The following SDK1 variants were observed in gnomAD, a reference collection of about 807,000 sequenced individuals.
The protein encoded by SDK1 is sidekick cell adhesion molecule 1, also known as protein sidekick-1.
A neutral mutation model predicts 245.5 loss-of-function variants in SDK1; 157 were observed. The ratio of observed to expected loss-of-function variants is 0.64; its 90% CI spans 0.56 to 0.73. The LOEUF is 0.73. Ranked by LOEUF, SDK1 falls within the 30% of genes least tolerant of loss-of-function variation. SDK1 has a pLI of 0.00. For missense variants in SDK1, 3,583 were observed against 3,002.3 expected, an observed-to-expected ratio of 1.19 and a Z score of -4.52; for synonymous variants, 1,647 against 1,278.5, an observed-to-expected ratio of 1.29 and a Z score of -6.15.
chr7:3,888,437 C>T (rs1051507013), intron 5 of SDK1, among the ~76,000 whole-genome samples: 1 of 152,180 alleles, frequency 6.6e-6, no homozygotes, highest in Non-Finnish European at 1.5e-5. Flanking sequence ...GTTATTAGTC[C>T]TGATGTACAG....
At chr7:4,041,592 C>T (rs1464874400) in intron 17 of SDK1, among the ~76,000 whole-genome samples, 1 of 152,110 alleles carries the variant, frequency 6.6e-6, no homozygotes, top group East Asian at 1.9e-4. Context: ...CCCCCATGCT[C>T]CTCCTGTTCA....
At chr7:4,164,486 C>T (rs1781368314) in intron 32 of SDK1, among the ~76,000 whole-genome samples, 1 of 152,206 alleles carries the variant, frequency 6.6e-6, no homozygotes, top group East Asian at 1.9e-4. Context: ...AATGCAAAGT[C>T]CCAAGTGCTC....
intron 5 of SDK1, among the ~76,000 whole-genome samples, chr7:3,896,125 C>G (rs1017969712): frequency 6.6e-6 from 1 of 152,154 alleles, no homozygotes; most frequent in Non-Finnish European, 1.5e-5. Context: ...CTTCTGTTTA[C>G]TGATTTTCTA....
chr7:3,452,769 C>A (rs1780554554), intron 1 of SDK1, among the ~76,000 whole-genome samples: 1 of 152,162 alleles, frequency 6.6e-6, no homozygotes, highest in Non-Finnish European at 1.5e-5. Context: ...GTTAGAAATC[C>A]CCGCTGTTGA....
intron 4 of SDK1, among the ~76,000 whole-genome samples, chr7:3,730,274 G>A (rs1021241531): frequency 1.3e-5 from 2 of 152,126 alleles, no homozygotes; most frequent in Non-Finnish European, 2.9e-5. Flanking sequence ...GCAAATGATG[G>A]GAGGTGCTCT....
intron 4 of SDK1, among the ~76,000 whole-genome samples, chr7:3,731,992 G>T (rs188971048): frequency 6.6e-6 from 1 of 152,098 alleles, no homozygotes; most frequent in Non-Finnish European, 1.5e-5. Flanking sequence ...GGGTTTCACC[G>T]TGTTGGTCAG....
At chr7:4,125,439 ATGAATGGG>A (rs1188242012) in intron 25 of SDK1, among the ~76,000 whole-genome samples, 2 of 150,022 alleles carry the variant, frequency 1.3e-5, no homozygotes, top group Non-Finnish European at 3.0e-5. Flanking sequence ...GAGTGAATGG[ATGAATGGG>A]TGAATGGATG....
At chr7:4,232,407 C>CTTTTTTTTTTTTTTTTTTTTTTTTTTTT (rs201396862) in intron 40 of SDK1, among the ~76,000 whole-genome samples, 39 of 73,164 alleles carry the variant, frequency 5.3e-4, no homozygotes, top group Non-Finnish European at 8.5e-4. Context: ...CTTTTCTTTT[C>CTTTTTTTTTTTTTTTTTTTTTTTTTTTT]TTTCTTTTTT....
At chr7:3,715,723 G>A (rs865902483) in intron 4 of SDK1, among the ~76,000 whole-genome samples, 11 of 151,938 alleles carry the variant, frequency 7.2e-5, no homozygotes, top group Non-Finnish European at 1.2e-4. Context: ...ACATAATATC[G>A]AAAACGTCCA....
chr7:3,440,020 G>C (rs938639348), intron 1 of SDK1, among the ~76,000 whole-genome samples: 1 of 152,072 alleles, frequency 6.6e-6, no homozygotes, highest in Non-Finnish European at 1.5e-5. Flanking sequence ...GATATGCTTT[G>C]ACATATTCAC....
rs118059928 is a variant in SDK1, at chr7:4,075,636, C to G, written c.3011-1362C>G. Reference sequence around the variant, plus strand: ...CCACGCGGGTTGATTGATTCAGGAGCTAGTTGGGTCTTATTTCTCCTTTTT... The same window carrying G: ...CCACGCGGGTTGATTGATTCAGGAGGTAGTTGGGTCTTATTTCTCCTTTTT... On this transcript the variant is annotated intron_variant, in intron 20 of 44. Transcript: ENST00000404826. Among the ~76,000 whole-genome samples the G allele has an allele frequency of 3.3e-3, 502 of 151,260 alleles. 3 individuals are homozygous for G. Among genetic ancestry groups the G allele is most frequent in the South Asian group, 0.03 (144 of 4,762 alleles).
chr7:3,974,393 G>T lies in SDK1; in HGVS notation c.1842G>T (p.Val614=). 6.2e-7 allele frequency: 1 copy of T among 1,613,728 alleles called. No individual in the cohort carries two copies. Among genetic ancestry groups the T allele is most frequent in the Non-Finnish European group, 8.5e-7 (1 of 1,179,772 alleles). The change falls in exon 13 of 45, where the codon GTG becomes GTT. Residue 614 remains valine (V), a synonymous_variant. Coordinates refer to ENST00000404826, the MANE Select transcript of SDK1 (RefSeq NM_152744.4). ...GCTACGTTTGGAAGAAGGACAACGT[G>T]GCCCTGACTCCATCGAGCACGTCTA... The part of the protein sequence containing the change: ...SLRYVWKKDN[V]ALTPSSTSRI...
chr7:4,017,410 C>T, intron 17 of SDK1, 58 bp downstream of exon 17: 1 of 1,479,730 alleles, frequency 6.8e-7, no homozygotes, highest in Non-Finnish European at 9.2e-7. Flanking sequence ...ATGGGATTTG[C>T]AAGGTTTGAC....
intron 16 of SDK1, among the ~76,000 whole-genome samples, chr7:4,012,539 C>G (rs1386586654): frequency 2.4e-5 from 2 of 83,676 alleles, no homozygotes; most frequent in Non-Finnish European, 4.7e-5. Flanking sequence ...GTATATTGTT[C>G]AATGTGAAGC....
At chr7:3,465,556 A>G (rs1462300735) in intron 1 of SDK1, among the ~76,000 whole-genome samples, 3 of 151,998 alleles carry the variant, frequency 2.0e-5, no homozygotes, top group African/African-American at 7.3e-5. Context: ...CACTGCTCTC[A>G]TTGCTAGGTT....
chr7:3,382,687 C>T (rs894350565), intron 1 of SDK1, among the ~76,000 whole-genome samples: 2 of 152,014 alleles, frequency 1.3e-5, no homozygotes, highest in East Asian at 1.9e-4. Context: ...TTGCTTTTTC[C>T]TATGTTGGCA....
At chr7:3,690,707 C>G (rs927073799) in intron 4 of SDK1, among the ~76,000 whole-genome samples, 2 of 152,142 alleles carry the variant, frequency 1.3e-5, no homozygotes, top group African/African-American at 4.8e-5. Flanking sequence ...TTAATCTTAA[C>G]CCCCGTAACA....
At chr7:3,562,478 G>T (rs190925735) in intron 1 of SDK1, among the ~76,000 whole-genome samples, 10 of 152,124 alleles carry the variant, frequency 6.6e-5, no homozygotes, top group African/African-American at 2.2e-4. Context: ...ATGCATGGGT[G>T]CTAAAAACTA....
At chr7:4,183,661 A>G (rs951136840) in intron 35 of SDK1, among the ~76,000 whole-genome samples, 3 of 150,200 alleles carry the variant, frequency 2.0e-5, no homozygotes, top group African/African-American at 7.4e-5. Context: ...AAAAAAAAAG[A>G]AAGTATGCTT....
Sources: gnomAD v4.1 joint callset for allele counts (sites outside exome capture counted in the v4.1 genomes callset) on GRCh38, gnomAD v4.1.1 for gene constraint, MANE v1.5 for transcripts, NCBI Gene and HGNC (gene_info 2026-07-23, HGNC 2026-07-21) for gene names.